DMD: variants seen among roughly 807,000 people sequenced by gnomAD.
The protein encoded by DMD is mutant dystrophin.
In DMD, 63 loss-of-function variants were observed where a neutral mutation model predicts 330.1. The observed-to-expected ratio is 0.19, with a 90% CI of 0.16 to 0.24. The LOEUF is 0.24. DMD is among the 10% of genes least tolerant of loss of function. DMD has a pLI of 1.00. For synonymous variants in DMD, 1,223 were observed against 959.8 expected (o/e 1.27, Z -5.07); for missense variants, 3,344 against 2,684.1 (o/e 1.25, Z -5.43).
intron 2 of DMD, among the ~76,000 whole-genome samples, chrX:32,982,526 C>T (rs1448579284): frequency 1.8e-5 from 2 of 111,605 alleles, no homozygotes; most frequent in Non-Finnish European, 3.8e-5. Flanking sequence ...AAGATAACTT[C>T]GACCCATTTT....
intron 37 of DMD, among the ~76,000 whole-genome samples, chrX:32,350,491 G>T (rs1284070190): frequency 1.8e-5 from 2 of 111,055 alleles, no homozygotes. Flanking sequence ...TGCTATTTTT[G>T]AACATCTCAC....
rs757746393 is a variant in DMD, at chrX:32,517,993, T to C, written c.2292+15A>G. 1.7e-5 allele frequency: 20 copies of C among 1,208,153 alleles called. No homozygotes were observed. The African/African-American group carries it at 2.6e-4, about 16-fold the overall frequency. On this transcript the variant is annotated intron_variant, in intron 18 of 78. Coordinates refer to ENST00000357033, the MANE Select transcript of DMD (RefSeq NM_004006.3). ...ACAAAATGAGTACAGATATAAAAATTAATGCATAACCTACATTGACTTTTT... is the reference window on the plus strand; with the variant it reads ...ACAAAATGAGTACAGATATAAAAATCAATGCATAACCTACATTGACTTTTT...
intron 1 of DMD, among the ~76,000 whole-genome samples, chrX:33,176,388 G>A (rs1463115388): frequency 1.4e-4 from 14 of 100,843 alleles, no homozygotes; most frequent in Admixed American, 1.3e-3. Context: ...TGCATAAATA[G>A]AAACTCAGCT....
intron 54 of DMD, among the ~76,000 whole-genome samples, chrX:31,653,432 TA>T (rs1394555270): frequency 1.8e-5 from 2 of 110,945 alleles, no homozygotes; most frequent in African/African-American, 6.5e-5. Flanking sequence ...AGGGATTTTT[TA>T]GTATCTGGGA....
chrX:32,734,789 C>A (rs1207960799), intron 7 of DMD, among the ~76,000 whole-genome samples: 2 of 107,196 alleles, frequency 1.9e-5, no homozygotes, highest in Admixed American at 2.0e-4. Context: ...CTATCTATGA[C>A]AAACCCACAG....
At chrX:31,836,942 G>A (rs994463505) in intron 48 of DMD, 123 bp from the exon 49 acceptor site, 39 of 548,546 alleles carry the variant, frequency 7.1e-5, no homozygotes, top group Non-Finnish European at 9.0e-6. Flanking sequence ...GTACATAAGG[G>A]CACAAAAATG....
intron 60 of DMD, among the ~76,000 whole-genome samples, chrX:31,392,931 A>G (rs2060745205): frequency 1.8e-5 from 2 of 112,178 alleles, no homozygotes; most frequent in Non-Finnish European, 3.8e-5. Context: ...CAAAATGTTA[A>G]TAAATCATTA....
At chrX:32,454,146 G>A (rs2098345217) in intron 26 of DMD, among the ~76,000 whole-genome samples, 1 of 110,962 alleles carries the variant, frequency 9.0e-6, no homozygotes, top group Non-Finnish European at 1.9e-5. Context: ...TTCGTAATAA[G>A]TCAATGTTAT....
chrX:32,597,917 G>A (rs2055752026), intron 12 of DMD, among the ~76,000 whole-genome samples: 1 of 112,141 alleles, frequency 8.9e-6, no homozygotes, highest in South Asian at 3.7e-4. Context: ...CAAGAGTGGA[G>A]AAACAAGTTT....
chrX:32,591,459 T>C (rs2054898505), intron 13 of DMD, among the ~76,000 whole-genome samples: 1 of 112,363 alleles, frequency 8.9e-6, no homozygotes, highest in Admixed American at 9.4e-5. Context: ...GAAACAGTTA[T>C]CTCCCAAGAA....
chrX:32,267,801 G>A (rs1230162856), intron 43 of DMD, among the ~76,000 whole-genome samples: 1 of 111,852 alleles, frequency 8.9e-6, no homozygotes, highest in Non-Finnish European at 1.9e-5. Flanking sequence ...GCTTGTGTAG[G>A]ATTGTGCACG....
At chrX:31,403,185 A>G (rs903891680) in intron 60 of DMD, among the ~76,000 whole-genome samples, 5 of 112,398 alleles carry the variant, frequency 4.4e-5, no homozygotes, top group African/African-American at 1.6e-4. Context: ...GACACATAGC[A>G]GTTTTATAAT....
intron 1 of DMD, among the ~76,000 whole-genome samples, chrX:33,152,409 G>T (rs184303995): frequency 9.1e-6 from 1 of 109,898 alleles, no homozygotes; most frequent in East Asian, 2.8e-4. Flanking sequence ...CTTCACCTGA[G>T]GTAATCTGCC....
At chrX:31,251,204 C>G (rs1345241399) in intron 63 of DMD, among the ~76,000 whole-genome samples, 1 of 108,908 alleles carries the variant, frequency 9.2e-6, no homozygotes, top group Non-Finnish European at 1.9e-5. Flanking sequence ...CTATATTGCC[C>G]AGGCTGGACT....
chrX:31,430,638 AAG>A (rs1425831086), intron 60 of DMD, among the ~76,000 whole-genome samples: 1 of 110,843 alleles, frequency 9.0e-6, no homozygotes, highest in Non-Finnish European at 1.9e-5. Flanking sequence ...ACCTAATTCA[AAG>A]AGGGTAACAT....
At chrX:32,825,233 C>T (rs770241596) in intron 4 of DMD, among the ~76,000 whole-genome samples, 6 of 111,395 alleles carry the variant, frequency 5.4e-5, no homozygotes, top group Non-Finnish European at 7.5e-5. Flanking sequence ...TTTTGGGTTG[C>T]CATGGACCTG....
At chrX:32,474,266 G>C (rs1026904863) in intron 21 of DMD, among the ~76,000 whole-genome samples, 6 of 110,655 alleles carry the variant, frequency 5.4e-5, no homozygotes, top group African/African-American at 2.0e-4. Flanking sequence ...CACTCATTCA[G>C]TGATGGGCAT....
chrX:31,872,208 C>T (rs766137238), intron 48 of DMD, among the ~76,000 whole-genome samples: 49 of 110,432 alleles, frequency 4.4e-4, no homozygotes, highest in Non-Finnish European at 9.3e-4. Flanking sequence ...AAGGAGTTTT[C>T]TGCCAGGAAA....
At position 32,916,503 on chromosome X, in the gene DMD, T is replaced by A. The variant is rs779261132; in HGVS notation, c.94-66683A>T. 3.6e-5 allele frequency among the ~76,000 whole-genome samples: 4 copies of A among 111,967 alleles called. No individual in the cohort carries two copies. The South Asian group carries it at 1.5e-3, about 42-fold the overall frequency. On this transcript the variant is annotated intron_variant, in intron 2 of 78. Coordinates refer to ENST00000357033, the MANE Select transcript of DMD (RefSeq NM_004006.3). ...CCTTTAGACATCATTAAATTTACTT[T>A]ACCTCTGACAGTAGGTGATACCATA...
Sources: gnomAD v4.1 joint callset for allele counts (sites outside exome capture counted in the v4.1 genomes callset) on GRCh38, gnomAD v4.1.1 for gene constraint, MANE v1.5 for transcripts, NCBI Gene and HGNC (gene_info 2026-07-23, HGNC 2026-07-21) for gene names.